ZGPAT: variants seen among roughly 807,000 people sequenced by gnomAD.
The protein encoded by ZGPAT is zinc finger CCCH-type and G-patch domain containing, also known as zinc finger CCCH-type with G patch domain-containing protein.
ZGPAT carries 39 observed loss-of-function variants against 47.9 expected under a neutral mutation model. That is an observed-to-expected ratio of 0.81 (90% CI 0.63 to 1.06). The LOEUF (loss-of-function observed/expected upper bound fraction) is 1.06, where lower values mean the gene tolerates loss of function less well. Among genes scored for constraint, ZGPAT ranks in the 50% least tolerant of loss-of-function variants. The pLI is 0.00. For missense variants in ZGPAT, 717 were observed against 681.4 expected (o/e 1.05, Z -0.58); for synonymous variants, 348 against 292.9 (o/e 1.19, Z -1.92).
chr20:63,733,055 CGTGTGTATGTGTGT>C (rs1420458041), intron 2 of ZGPAT, among the ~76,000 whole-genome samples, 150 bp from the exon 3 acceptor site: 4 of 151,216 alleles, frequency 2.6e-5, no homozygotes, highest in African/African-American at 9.7e-5. Context: ...TGTATGTGTG[CGTGTGTATGTGTGT>C]GCGTGAGTGT....
At chr20:63,728,357 G>T (rs1339934778) in intron 2 of ZGPAT, among the ~76,000 whole-genome samples, 1 of 152,114 alleles carries the variant, frequency 6.6e-6, no homozygotes, top group Non-Finnish European at 1.5e-5. Context: ...TTTTTAGTCT[G>T]GCTTCCTAGC....
chr20:63,719,335 C>T (rs1302115118), intron 2 of ZGPAT, among the ~76,000 whole-genome samples: 2 of 152,174 alleles, frequency 1.3e-5, no homozygotes, highest in Admixed American at 1.3e-4. Flanking sequence ...AGCTACTATT[C>T]TTTGCATCTT....
rs2091945333 is a variant in ZGPAT, at chr20:63,733,580, C to T, written c.719-7C>T. The T allele has an allele frequency of 1.9e-6, 3 of 1,614,004 alleles. No individual in the cohort carries two copies. Among genetic ancestry groups the T allele is most frequent in the Admixed American group, 1.7e-5 (1 of 60,002 alleles). On this transcript the variant is annotated splice_region_variant and splice_polypyrimidine_tract_variant and intron_variant, in intron 3 of 6. Coordinates refer to ENST00000355969, the MANE Select transcript of ZGPAT (RefSeq NM_181485.3). ...GATTCTGACCTGCAGCTTGTCTCTGCCCCCAGATGTGGACAACGGCTACTA... is the reference window on the plus strand; with the variant it reads ...GATTCTGACCTGCAGCTTGTCTCTGTCCCCAGATGTGGACAACGGCTACTA...
chr20:63,713,631 G>T (rs2091694274), intron 2 of ZGPAT, among the ~76,000 whole-genome samples: 1 of 151,560 alleles, frequency 6.6e-6, no homozygotes, highest in African/African-American at 2.4e-5. Flanking sequence ...AGCACTTTGG[G>T]AGGCCAAGGC....
chr20:63,729,811 A>G (rs2091878765), intron 2 of ZGPAT, among the ~76,000 whole-genome samples: 1 of 152,194 alleles, frequency 6.6e-6, no homozygotes. Context: ...ACATGAGCCC[A>G]GGAGTTCAAG....
At chr20:63,730,610 G>C (rs564171603) in intron 2 of ZGPAT, among the ~76,000 whole-genome samples, 3 of 152,074 alleles carry the variant, frequency 2.0e-5, no homozygotes, top group Non-Finnish European at 4.4e-5. Flanking sequence ...TCAGCCTCCC[G>C]AGTAGGTGGG....
At chr20:63,733,131 G>A in intron 2 of ZGPAT, 88 bp from the exon 3 acceptor site, 2 of 1,543,632 alleles carry the variant, frequency 1.3e-6, no homozygotes, top group Non-Finnish European at 1.8e-6. Context: ...CCTCAGGACA[G>A]TGCCCAGGCG....
chr20:63,734,375 G>A (rs2091954893), intron 4 of ZGPAT: 1 of 414,216 alleles, frequency 2.4e-6, no homozygotes, highest in Non-Finnish European at 4.3e-6. Flanking sequence ...TGTGAGGGCA[G>A]GTGAGGCGCT....
intron 2 of ZGPAT, chr20:63,730,429 TC>T (rs1450111336): frequency 6.6e-6 from 1 of 152,240 alleles, no homozygotes; most frequent in Non-Finnish European, 1.5e-5. Flanking sequence ...ACCCACCCGT[TC>T]CTACTGGAAA....
chr20:63,722,045 A>C (rs1370262310), intron 2 of ZGPAT, among the ~76,000 whole-genome samples: 1 of 151,052 alleles, frequency 6.6e-6, no homozygotes. Flanking sequence ...TGCCATCAAC[A>C]GCACGACCCT....
intron 2 of ZGPAT, among the ~76,000 whole-genome samples, chr20:63,732,475 G>A (rs55794672): frequency 6.7e-6 from 1 of 149,176 alleles, no homozygotes; most frequent in Non-Finnish European, 1.5e-5. Context: ...GCATGTGTGT[G>A]GGTGAGGGCG....
chr20:63,730,599 C>G (rs1292054596), intron 2 of ZGPAT, among the ~76,000 whole-genome samples: 3 of 152,204 alleles, frequency 2.0e-5, no homozygotes, highest in Non-Finnish European at 4.4e-5. Flanking sequence ...ATTCTTGTGC[C>G]TCAGCCTCCC....
chr20:63,719,743 AT>A (rs35945169), intron 2 of ZGPAT, among the ~76,000 whole-genome samples: 420 of 143,444 alleles, frequency 2.9e-3, no homozygotes, highest in Middle Eastern at 3.8e-3. Flanking sequence ...TTAGTTATTA[AT>A]TTTTTTTTTT....
intron 2 of ZGPAT, among the ~76,000 whole-genome samples, chr20:63,709,803 C>T (rs1364932610): frequency 6.6e-6 from 1 of 151,952 alleles, no homozygotes; most frequent in Non-Finnish European, 1.5e-5. Context: ...CTCAGCCCCC[C>T]TAGGAGCTGG....
chr20:63,731,705 TTGTG>T (rs575294268), intron 2 of ZGPAT, among the ~76,000 whole-genome samples: 66 of 139,452 alleles, frequency 4.7e-4, no homozygotes, highest in East Asian at 2.6e-3. Context: ...AGTTGGCCCT[TTGTG>T]TGTGTGAGAT....
At chr20:63,725,186 G>A (rs2263806) in intron 2 of ZGPAT, among the ~76,000 whole-genome samples, 29,732 of 151,800 alleles carry the variant, frequency 0.2, 3,775 homozygotes, top group East Asian at 0.62. Context: ...GGGTTTCACC[G>A]TGTTAGCCAG....
chr20:63,725,188 G>T (rs558695624), intron 2 of ZGPAT, among the ~76,000 whole-genome samples: 42 of 152,218 alleles, frequency 2.8e-4, no homozygotes, highest in African/African-American at 1.0e-3. Context: ...GTTTCACCGT[G>T]TTAGCCAGGA....
chr20:63,733,118 C>A, intron 2 of ZGPAT, 101 bp from the exon 3 acceptor site: 1 of 1,491,528 alleles, frequency 6.7e-7, no homozygotes, highest in South Asian at 1.2e-5. Context: ...GTGTGTCTGT[C>A]TCCCTCAGGA....
At chr20:63,724,450 G>A (rs1601332453) in intron 2 of ZGPAT, among the ~76,000 whole-genome samples, 1 of 151,826 alleles carries the variant, frequency 6.6e-6, no homozygotes, top group South Asian at 2.1e-4. Flanking sequence ...GGGAGGCCAA[G>A]GCAGGAGGAT....
Sources: allele counts gnomAD v4.1 joint callset (sites outside exome capture counted in the v4.1 genomes callset), GRCh38; gene constraint gnomAD v4.1.1; transcripts MANE v1.5; gene names NCBI Gene and HGNC (gene_info 2026-07-23, HGNC 2026-07-21).